The following L3MBTL2 variants were observed in gnomAD, a reference collection of about 807,000 sequenced individuals.
The protein encoded by L3MBTL2 is L3MBTL histone methyl-lysine binding protein 2.
In L3MBTL2, 49 loss-of-function variants were observed where a neutral mutation model predicts 86.4. That is an observed-to-expected ratio of 0.57 (90% CI 0.45 to 0.72). The LOEUF (loss-of-function observed/expected upper bound fraction) is 0.72. L3MBTL2 is among the 30% of genes least tolerant of loss of function. The probability of loss-of-function intolerance (pLI) is 0.00; values close to 1 mark genes in which losing one functional copy is unlikely to be tolerated. For missense variants in L3MBTL2, 755 were observed against 923.7 expected, an observed-to-expected ratio of 0.82 and a Z score of 2.37; for synonymous variants, 336 against 350.6, an observed-to-expected ratio of 0.96 and a Z score of 0.47.
intron 8 of L3MBTL2, among the ~76,000 whole-genome samples, chr22:41,222,454 A>C (rs933985334): frequency 6.6e-6 from 1 of 152,182 alleles, no homozygotes; most frequent in Non-Finnish European, 1.5e-5. Context: ...TTTAATTTTA[A>C]GAAATGATTT....
chr22:41,229,000 G>A (rs1030199834), intron 15 of L3MBTL2, among the ~76,000 whole-genome samples: 4 of 152,196 alleles, frequency 2.6e-5, no homozygotes, highest in African/African-American at 4.8e-5. Context: ...GTTCACACCT[G>A]TGATCCCAGC....
At chr22:41,216,966 TA>T in intron 4 of L3MBTL2, 156 bp from the exon 5 acceptor site, 1 of 607,886 alleles carries the variant, frequency 1.6e-6, no homozygotes. Context: ...GTGGATCAGG[TA>T]TGGGAGTGAA....
chr22:41,228,400 GCCC>G, intron 15 of L3MBTL2: 1 of 985,458 alleles, frequency 1.0e-6, no homozygotes, highest in Non-Finnish European at 1.2e-6. Flanking sequence ...CAGATTCTGA[GCCC>G]AGCTTGGGTT....
At chr22:41,210,133 A>G in intron 2 of L3MBTL2, 200 bp downstream of exon 2, 1 of 439,192 alleles carries the variant, frequency 2.3e-6, no homozygotes, top group Non-Finnish European at 3.9e-6. Flanking sequence ...CCTTTGCTGA[A>G]GTCTAATTTC....
chr22:41,221,476 G>A (rs1055353044), intron 8 of L3MBTL2, 189 bp downstream of exon 8: 59 of 599,942 alleles, frequency 9.8e-5, no homozygotes, highest in African/African-American at 9.4e-4. Context: ...GCCTGGCGTC[G>A]GCCACTGCCC....
At position 41,221,157 on chromosome 22, in the gene L3MBTL2, T is replaced by C. The variant is rs2031789715; in HGVS notation, c.854-42T>C. On this transcript the variant is annotated intron_variant, in intron 7 of 16. Coordinates refer to ENST00000216237, the MANE Select transcript of L3MBTL2 (RefSeq NM_031488.5). ...CGCTAGCGCCCCTGTCAGTGGAGGT[T>C]TGTCAGTCTGTGTAACCAGGATTCT... The C allele has an allele frequency of 9.3e-6, 12 of 1,291,562 alleles. No homozygotes were observed. In the South Asian group the frequency reaches 1.6e-4, roughly 17 times the overall value. The allele number at this position is 1,291,562 out of a possible 1,614,324, so 80.0% of individuals were successfully genotyped here. A position where few individuals can be genotyped will look rare whatever the true frequency, so the allele number is the denominator to read the frequency against.
rs540921873 is a variant in L3MBTL2, at chr22:41,225,525, G to A, written c.1357-269G>A. 2.6e-5 allele frequency among the ~76,000 whole-genome samples: 4 copies of A among 152,166 alleles called. No individual in the cohort carries two copies. The highest frequency in any genetic ancestry group is 6.5e-5 in the Admixed American group (1 of 15,272). On this transcript the variant is annotated intron_variant, in intron 11 of 16. Coordinates refer to ENST00000216237, the MANE Select transcript of L3MBTL2 (RefSeq NM_031488.5). The surrounding 1 kb of genome is among the most constrained non-coding windows in gnomAD (Gnocchi z 4.1). The stretch of plus-strand genomic sequence containing the variant: ...CGCGGATCCGCTCCATGCCGGGCGC[G>A]TGTGCTCACCCAAGAACACGGTCCA...
intron 15 of L3MBTL2, chr22:41,228,238 A>T (rs545124136): frequency 1.0e-6 from 1 of 985,484 alleles, no homozygotes; most frequent in East Asian, 1.1e-4. Context: ...CCACAGGAAG[A>T]AATAGAAGCT....
At chr22:41,215,273 A>G (rs1199235179) in intron 3 of L3MBTL2, among the ~76,000 whole-genome samples, 1 of 152,204 alleles carries the variant, frequency 6.6e-6, no homozygotes. Context: ...GAGAGCTAAG[A>G]ATAATATTGG....
chr22:41,226,015 G>T (rs559099947), intron 12 of L3MBTL2, 74 bp downstream of exon 12: 46 of 1,527,860 alleles, frequency 3.0e-5, no homozygotes, highest in South Asian at 2.0e-4. Flanking sequence ...GGTGGCTCCC[G>T]CCTGTAATCC....
At chr22:41,212,348 G>A (rs1342234774) in intron 2 of L3MBTL2, among the ~76,000 whole-genome samples, 1 of 151,008 alleles carries the variant, frequency 6.6e-6, no homozygotes, top group Non-Finnish European at 1.5e-5. Context: ...CAAACTACAG[G>A]TACCAGTATC....
chr22:41,224,784 C>A lies in L3MBTL2; in HGVS notation c.1234C>A (p.Pro412Thr). ...CCGGAAGATCTACTGTGATGCCGTTCCTTACCTCTTCAAGAAGGTGAGGTT... is the reference window on the plus strand; with the variant it reads ...CCGGAAGATCTACTGTGATGCCGTTACTTACCTCTTCAAGAAGGTGAGGTT... ...TFRKIYCDAVPYLFKKVRAVY... is the reference protein window; with the variant it reads ...TFRKIYCDAVTYLFKKVRAVY... The change falls in exon 10 of 17, where the codon CCT becomes ACT. Residue 412 changes from proline (P) to threonine (T), a missense_variant. By Grantham distance (38) the Pro-to-Thr change is conservative. This residue lies in a region of L3MBTL2 where 634 missense variants were observed against 748.9 expected (regional missense o/e 0.85). Coordinates refer to ENST00000216237, the MANE Select transcript of L3MBTL2 (RefSeq NM_031488.5). The surrounding 1 kb of genome is among the most constrained non-coding windows in gnomAD (Gnocchi z 4.9). 1 of 1,613,770 alleles carries A rather than the reference C, an allele frequency of 6.2e-7. No individual in the cohort carries two copies. The highest frequency in any genetic ancestry group is 2.2e-5 in the East Asian group (1 of 44,866).
chr22:41,206,233 T>G (rs1232299534), intron 1 of L3MBTL2: 2 of 151,960 alleles, frequency 1.3e-5, no homozygotes, highest in Non-Finnish European at 2.9e-5. Flanking sequence ...TCTGTCTGCT[T>G]CACCTCGGCC....
intron 4 of L3MBTL2, 24 bp from the exon 5 acceptor site, chr22:41,217,099 T>G (rs2031442356): frequency 6.2e-7 from 1 of 1,606,640 alleles, no homozygotes; most frequent in African/African-American, 1.3e-5. Context: ...GCTCCTAGTC[T>G]GACTCGTCCT....
In L3MBTL2 at chr22:41,205,444, T is replaced by C; in HGVS notation, c.24+58T>C. ...AGGGAACTCCGAGAGCCTCGCTCCG[T>C]GGGCCCTTCTTTAGGGCTTTTAGCG... On this transcript the variant is annotated intron_variant, in intron 1 of 16. Coordinates refer to ENST00000216237, the MANE Select transcript of L3MBTL2 (RefSeq NM_031488.5). 1.9e-6 allele frequency: 3 copies of C among 1,602,866 alleles called. No homozygotes were observed. In the South Asian group the frequency reaches 3.3e-5, roughly 18 times the overall value.
At chr22:41,208,968 C>T (rs1159063061) in intron 1 of L3MBTL2, among the ~76,000 whole-genome samples, 2 of 152,030 alleles carry the variant, frequency 1.3e-5, no homozygotes, top group Non-Finnish European at 2.9e-5. Context: ...GTCTTGAACT[C>T]CTGACTTCGT....
chr22:41,211,573 T>TTTTTTTTTTTTTTTTA (rs758875511), intron 2 of L3MBTL2, among the ~76,000 whole-genome samples: 1 of 139,498 alleles, frequency 7.2e-6, no homozygotes, highest in Admixed American at 7.1e-5. Context: ...TTTTTTTTTT[T>TTTTTTTTTTTTTTTTA]TGAGACGGAG....
intron 3 of L3MBTL2, chr22:41,214,806 A>G (rs561280070): frequency 6.6e-6 from 1 of 152,246 alleles, no homozygotes; most frequent in Non-Finnish European, 1.5e-5. Context: ...AGGTCAGGAG[A>G]TCGAGACCAT....
At chr22:41,206,218 G>A (rs1206206784) in intron 1 of L3MBTL2, 2 of 152,016 alleles carry the variant, frequency 1.3e-5, no homozygotes, top group African/African-American at 2.4e-5. Flanking sequence ...CCTGACCTCA[G>A]GTGATCTGTC....
Sources: allele counts gnomAD v4.1 joint callset (sites outside exome capture counted in the v4.1 genomes callset), GRCh38; gene constraint gnomAD v4.1.1; regional missense constraint gnomAD v4.1.1; non-coding constraint Gnocchi (gnomAD v3.1); transcripts MANE v1.5; gene names NCBI Gene and HGNC (gene_info 2026-07-23, HGNC 2026-07-21).